The following ALPK1 variants were observed in gnomAD, a reference collection of about 807,000 sequenced individuals.
The protein encoded by ALPK1 is alpha-protein kinase 1.
Under a neutral mutation model 120.6 loss-of-function variants are expected in ALPK1, and 110 were observed. The observed-to-expected ratio is 0.91, with a 90% CI of 0.78 to 1.07. ALPK1 has a LOEUF of 1.07. Ranked by LOEUF, ALPK1 falls within the 50% of genes least tolerant of loss-of-function variation. The pLI is 0.00. For missense variants in ALPK1, 1,498 were observed against 1,483.9 expected, an observed-to-expected ratio of 1.01 and a Z score of -0.16; for synonymous variants, 582 against 560.3, an observed-to-expected ratio of 1.04 and a Z score of -0.55.
At position 112,336,408 on chromosome 4, in the gene ALPK1, T is replaced by TG. The variant is rs778325144; in HGVS notation, c.-101+20557dup. Among the ~76,000 whole-genome samples the TG allele has an allele frequency of 9.2e-5, 14 of 152,266 alleles. No homozygotes were observed. In the East Asian group the frequency reaches 2.7e-3, roughly 29 times the overall value. On this transcript the variant is annotated intron_variant, in intron 2 of 15. Transcript: ENST00000650871. ...CATTTGGAAATATTAATTTTCCTGTTGAAAAAAAAAGTTTTAACTGTAAGC... is the reference window on the plus strand; with the variant it reads ...CATTTGGAAATATTAATTTTCCTGTTGGAAAAAAAAAGTTTTAACTGTAAGC...
intron 1 of ALPK1, among the ~76,000 whole-genome samples, chr4:112,308,960 T>C (rs899818124): frequency 2.0e-5 from 3 of 152,156 alleles, no homozygotes; most frequent in African/African-American, 7.2e-5. Context: ...TAGTTTTCCT[T>C]CTAACAGTCA....
intron 4 of ALPK1, among the ~76,000 whole-genome samples, chr4:112,405,065 A>C (rs1399768553): frequency 1.3e-5 from 2 of 152,166 alleles, no homozygotes. Context: ...CTTTCCATGC[A>C]GAAGCTGATC....
chr4:112,313,590 G>GCAAATGCCTGTAATCCCAGCTA (rs1728509450), intron 1 of ALPK1, among the ~76,000 whole-genome samples: 1 of 152,188 alleles, frequency 6.6e-6, no homozygotes, highest in Admixed American at 6.5e-5. Flanking sequence ...GGATATGGTG[G>GCAAATGCCTGTAATCCCAGCTA]CAAATGCCTG....
chr4:112,400,199 A>C (rs1732844387), intron 4 of ALPK1, among the ~76,000 whole-genome samples: 1 of 152,232 alleles, frequency 6.6e-6, no homozygotes, highest in Non-Finnish European at 1.5e-5. Flanking sequence ...GTTTGGATGC[A>C]GATGAGAATT....
chr4:112,371,992 AAT>A (rs1217909995), intron 2 of ALPK1, among the ~76,000 whole-genome samples: 1 of 152,346 alleles, frequency 6.6e-6, no homozygotes, highest in African/African-American at 2.4e-5. Flanking sequence ...GAGAAAAGTC[AAT>A]CTCAAAAGTG....
intron 2 of ALPK1, among the ~76,000 whole-genome samples, chr4:112,366,004 A>G (rs1043841607): frequency 5.3e-5 from 8 of 152,228 alleles, no homozygotes; most frequent in South Asian, 4.1e-4. Context: ...GGCAAGCCAT[A>G]TGTAGAAGAA....
chr4:112,343,845 C>A (rs1463571553), intron 2 of ALPK1, among the ~76,000 whole-genome samples: 1 of 151,482 alleles, frequency 6.6e-6, no homozygotes, highest in African/African-American at 2.4e-5. Flanking sequence ...ACATTCATGC[C>A]CATCTGTTGC....
chr4:112,435,049 T>A, intron 11 of ALPK1, 99 bp from the exon 12 acceptor site: 5 of 1,172,912 alleles, frequency 4.3e-6, no homozygotes, highest in Non-Finnish European at 6.1e-6. Flanking sequence ...AGTGAAGATT[T>A]CAGGTGAGCT....
At chr4:112,303,106 A>T (rs2110519812) in intron 1 of ALPK1, among the ~76,000 whole-genome samples, 1 of 152,040 alleles carries the variant, frequency 6.6e-6, no homozygotes, top group East Asian at 1.9e-4. Context: ...TTCCTCCCAC[A>T]TCTCTGGCTG....
intron 2 of ALPK1, among the ~76,000 whole-genome samples, chr4:112,350,445 C>A (rs1730303974): frequency 6.6e-6 from 1 of 152,204 alleles, no homozygotes; most frequent in African/African-American, 2.4e-5. Flanking sequence ...CCTACTCCAT[C>A]CCTGGAGAGA....
intron 1 of ALPK1, among the ~76,000 whole-genome samples, chr4:112,304,752 T>G (rs933325239): frequency 2.3e-4 from 35 of 152,164 alleles, no homozygotes; most frequent in Non-Finnish European, 4.0e-4. Context: ...CTCTTTAGTT[T>G]AATTAGATCC....
At position 112,356,932 on chromosome 4, in the gene ALPK1, C is replaced by T. The variant is rs569310129; in HGVS notation, c.-100-20746C>T. 178 of 759,012 alleles carry T rather than the reference C, an allele frequency of 2.3e-4. 3 individuals carry two copies. The highest frequency in any genetic ancestry group is 2.2e-3 in the South Asian group (164 of 74,400). 47.0% of individuals were successfully genotyped at this position (759,012 alleles called of 1,614,324 possible). ...AAGGATTGGCATCCTTTGACCTGAC[C>T]CCCCATGACCCGAGTTCGGGACTGG... On this transcript the variant is annotated intron_variant, in intron 2 of 15. Transcript: ENST00000650871.
chr4:112,430,814 A>T lies in ALPK1; in HGVS notation c.1267A>T (p.Ser423Cys). 6.2e-7 allele frequency: 1 copy of T among 1,614,276 alleles called. No homozygotes were observed. The highest frequency in any genetic ancestry group is 8.5e-7 in the Non-Finnish European group (1 of 1,180,048). Residue 423 changes from serine (S) to cysteine (C), a missense_variant, in exon 11 of 16, where the codon AGC becomes TGC. Physicochemically the swap from Ser to Cys is moderately radical, Grantham distance 112. Transcript: ENST00000650871. ...AQVKEHLQVQ[S>C]FSNVDDRSYV... ...GGTGAAGGAACATTTACAAGTTCAA[A>T]GCTTCTCAAATGTAGATGACAGATC...
At chr4:112,419,719 A>G (rs1337753118) in intron 5 of ALPK1, among the ~76,000 whole-genome samples, 1 of 152,230 alleles carries the variant, frequency 6.6e-6, no homozygotes, top group Non-Finnish European at 1.5e-5. Flanking sequence ...GGTCCCCTAC[A>G]AAAATATCAT....
intron 12 of ALPK1, among the ~76,000 whole-genome samples, chr4:112,437,587 C>G (rs1734841764): frequency 6.6e-6 from 1 of 152,172 alleles, no homozygotes; most frequent in African/African-American, 2.4e-5. Flanking sequence ...AGAAGAACTG[C>G]CTAAAGCACT....
intron 2 of ALPK1, among the ~76,000 whole-genome samples, chr4:112,345,174 C>G (rs1454099108): frequency 1.3e-5 from 2 of 152,146 alleles, no homozygotes; most frequent in African/African-American, 2.4e-5. Flanking sequence ...GCGTGCTTCT[C>G]GTGTTTTTAT....
At chr4:112,366,964 GTATGTTCTCACTCA>G (rs1560655687) in intron 2 of ALPK1, among the ~76,000 whole-genome samples, 1 of 152,142 alleles carries the variant, frequency 6.6e-6, no homozygotes, top group Admixed American at 6.5e-5. Flanking sequence ...ACCAAACGTC[GTATGTTCTCACTCA>G]TAAGTGGATG....
In ALPK1 at chr4:112,431,816, G is replaced by A; in HGVS notation, c.2269G>A (p.Val757Ile). ...TGAGTTTCCAGAAACCAACTGCGAT[G>A]TCAAAGACAGGCAGGGGAAAGAGCA... is the stretch of plus-strand genomic sequence containing the variant. ...IVEFPETNCD[V>I]KDRQGKEQGE... Residue 757 changes from valine to isoleucine, a missense_variant, in exon 11 of 16, where the codon GTC becomes ATC. Physicochemically the swap from Val to Ile is conservative, Grantham distance 29 (BLOSUM62 3). Coordinates refer to ENST00000650871, the MANE Select transcript of ALPK1 (RefSeq NM_025144.4). 7 of 1,614,150 alleles carry A rather than the reference G, an allele frequency of 4.3e-6. No homozygotes were observed. Among genetic ancestry groups the A allele is most frequent in the Non-Finnish European group, 5.9e-6 (7 of 1,180,020 alleles).
intron 1 of ALPK1, among the ~76,000 whole-genome samples, chr4:112,313,151 G>T (rs1187683374): frequency 6.6e-6 from 1 of 152,214 alleles, no homozygotes; most frequent in Non-Finnish European, 1.5e-5. Context: ...ACAGGAATTT[G>T]ATGATTACCA....
Sources: gnomAD v4.1 joint callset for allele counts (sites outside exome capture counted in the v4.1 genomes callset) on GRCh38, gnomAD v4.1.1 for gene constraint, MANE v1.5 for transcripts, NCBI Gene and HGNC (gene_info 2026-07-23, HGNC 2026-07-21) for gene names.